The following ATAD2B variants were observed in gnomAD, a reference collection of about 807,000 sequenced individuals.
The protein encoded by ATAD2B is ATPase family AAA domain containing 2B, also known as ATPase family AAA domain-containing protein 2B.
Under a neutral mutation model 167.6 loss-of-function variants are expected in ATAD2B, and 40 were observed. The observed-to-expected ratio is 0.24, with a 90% CI of 0.19 to 0.31. ATAD2B has a LOEUF of 0.31. Ranked by LOEUF, ATAD2B falls within the 10% of genes least tolerant of loss-of-function variation. The pLI, the probability that ATAD2B is intolerant of heterozygous loss-of-function variation, is 1.00. For missense variants in ATAD2B, 1,242 were observed against 1,757.2 expected (o/e 0.71, Z 5.24); for synonymous variants, 579 against 596.5 (o/e 0.97, Z 0.43).
At chr2:23,735,317 C>T in the ATAD2B span, among the ~76,000 whole-genome samples, 1 of 152,156 alleles carries the variant, frequency 6.6e-6, no homozygotes, top group Admixed American at 6.5e-5. Flanking sequence ...TAGCAACTTA[C>T]TAGCAATTAA....
chr2:23,851,579 T>G (rs1692579598), intron 13 of ATAD2B, among the ~76,000 whole-genome samples: 1 of 152,190 alleles, frequency 6.6e-6, no homozygotes, highest in Admixed American at 6.5e-5. Context: ...AGTGGTGCAC[T>G]TATTTCAACT....
At chr2:23,858,895 A>G (rs1693881693) in intron 12 of ATAD2B, among the ~76,000 whole-genome samples, 1 of 152,180 alleles carries the variant, frequency 6.6e-6, no homozygotes. Flanking sequence ...TCCTATTGGC[A>G]ACAATATTGT....
At chr2:23,740,599 T>C in the ATAD2B span, among the ~76,000 whole-genome samples, 2 of 152,140 alleles carry the variant, frequency 1.3e-5, no homozygotes, top group Admixed American at 6.5e-5. Context: ...GATATCATAC[T>C]GAATGGGCAA....
intron 22 of ATAD2B, among the ~76,000 whole-genome samples, chr2:23,769,455 A>G (rs1374993316): frequency 1.3e-5 from 2 of 152,008 alleles, no homozygotes; most frequent in African/African-American, 2.4e-5. Flanking sequence ...TTATTTATAA[A>G]TAAATAAATA....
chr2:23,800,887 A>G (rs1683390787), intron 18 of ATAD2B, among the ~76,000 whole-genome samples: 1 of 152,114 alleles, frequency 6.6e-6, no homozygotes, highest in African/African-American at 2.4e-5. Context: ...TGAACATGGA[A>G]AAATAAAAAG....
intron 1 of ATAD2B, among the ~76,000 whole-genome samples, chr2:23,906,694 T>A (rs540330678): frequency 6.6e-6 from 1 of 151,990 alleles, no homozygotes; most frequent in African/African-American, 2.4e-5. Flanking sequence ...ATATCCTTGA[T>A]GAACATTGAT....
chr2:23,892,908 A>T (rs1699735652), intron 2 of ATAD2B, among the ~76,000 whole-genome samples: 1 of 152,270 alleles, frequency 6.6e-6, no homozygotes, highest in African/African-American at 2.4e-5. Context: ...ATAAAATAGC[A>T]TCTGTACTCA....
At chr2:23,774,286 C>CA (rs1678760950) in intron 22 of ATAD2B, among the ~76,000 whole-genome samples, 1 of 152,036 alleles carries the variant, frequency 6.6e-6, no homozygotes, top group Non-Finnish European at 1.5e-5. Context: ...CCCATCTCTA[C>CA]AAAAAATTTT....
chr2:23,829,731 G>A (rs1252012190), intron 14 of ATAD2B, among the ~76,000 whole-genome samples: 1 of 152,266 alleles, frequency 6.6e-6, no homozygotes, highest in South Asian at 2.1e-4. Context: ...ATGCCAGCCT[G>A]GGTGATAAGA....
At chr2:23,777,774 T>C (rs1302542706) in intron 22 of ATAD2B, among the ~76,000 whole-genome samples, 1 of 152,146 alleles carries the variant, frequency 6.6e-6, no homozygotes, top group Non-Finnish European at 1.5e-5. Flanking sequence ...TAATATATCA[T>C]GTATCTATAC....
chr2:23,808,147 T>TA (rs1684932268), intron 18 of ATAD2B, among the ~76,000 whole-genome samples: 3 of 71,100 alleles, frequency 4.2e-5, no homozygotes, highest in Non-Finnish European at 8.7e-5. Context: ...ATTACTTATA[T>TA]TATATGTTAT....
chr2:23,898,926 A>T (rs1247391181), intron 1 of ATAD2B, among the ~76,000 whole-genome samples: 1 of 152,186 alleles, frequency 6.6e-6, no homozygotes, highest in Non-Finnish European at 1.5e-5. Flanking sequence ...AGGCGGGTGG[A>T]TCACCTGAGG....
At chr2:23,922,037 AT>A (rs1394436255) in intron 1 of ATAD2B, among the ~76,000 whole-genome samples, 1 of 152,114 alleles carries the variant, frequency 6.6e-6, no homozygotes, top group Admixed American at 6.6e-5. Context: ...GGACCTAGGG[AT>A]TTTTTTAATT....
chr2:23,762,413 A>T, intron 23 of ATAD2B, 67 bp from the exon 24 acceptor site: 1 of 1,484,268 alleles, frequency 6.7e-7, no homozygotes. Flanking sequence ...AGGTTTTTAA[A>T]AAAATCTCAA....
chr2:23,730,584 T>A, the ATAD2B span, among the ~76,000 whole-genome samples: 17,140 of 136,596 alleles, frequency 0.13, 1,046 homozygotes, highest in Middle Eastern at 0.24. Flanking sequence ...GAGAATGGCG[T>A]GAACCTGGGA....
chr2:23,920,185 CTG>C (rs1703704232), intron 1 of ATAD2B, among the ~76,000 whole-genome samples: 1 of 151,724 alleles, frequency 6.6e-6, no homozygotes, highest in African/African-American at 2.4e-5. Context: ...TGGGCACTGA[CTG>C]ACACATGCTG....
intron 1 of ATAD2B, among the ~76,000 whole-genome samples, chr2:23,910,473 C>T (rs1050945383): frequency 6.6e-6 from 1 of 151,710 alleles, no homozygotes; most frequent in Non-Finnish European, 1.5e-5. Context: ...CCACTGCGCC[C>T]GGCCTGCATA....
intron 24 of ATAD2B, among the ~76,000 whole-genome samples, chr2:23,761,579 C>G (rs1676745327): frequency 6.6e-6 from 1 of 152,150 alleles, no homozygotes; most frequent in Non-Finnish European, 1.5e-5. Flanking sequence ...AGAAAAACAG[C>G]ATGTATCTTC....
chr2:23,702,385 A>G, the ATAD2B span, among the ~76,000 whole-genome samples: 9 of 152,314 alleles, frequency 5.9e-5, no homozygotes, highest in African/African-American at 1.7e-4. Flanking sequence ...CAGATATCTC[A>G]TGGATTTTAT....
Sources: allele counts gnomAD v4.1 joint callset (sites outside exome capture counted in the v4.1 genomes callset), GRCh38; gene constraint gnomAD v4.1.1; transcripts MANE v1.5; gene names NCBI Gene and HGNC (gene_info 2026-07-23, HGNC 2026-07-21).